Variants in CSTPP1 observed in about 807,000 individuals in gnomAD.
CSTPP1 encodes the protein centriolar satellite-associated tubulin polyglutamylase complex regulator 1.
chr11:47,120,958 G>A, the CSTPP1 span, among the ~76,000 whole-genome samples: 1 of 152,084 alleles, frequency 6.6e-6, no homozygotes, highest in African/African-American at 2.4e-5. The surrounding 1 kb of genome is among the most constrained non-coding windows in gnomAD (Gnocchi z 4.2). Context: ...TACATTTTTT[G>A]TTGTTTTTAA....
At chr11:46,962,944 G>A in the CSTPP1 span, among the ~76,000 whole-genome samples, 6 of 152,200 alleles carry the variant, frequency 3.9e-5, no homozygotes, top group African/African-American at 1.4e-4. Context: ...ACGGGAGTGA[G>A]ACCCTGTCCA....
chr11:46,936,700 C>A, the CSTPP1 span: 2 of 1,529,952 alleles, frequency 1.3e-6, no homozygotes, highest in African/African-American at 1.4e-5. Flanking sequence ...CCTCCTCCAG[C>A]TCCCGTCCCC....
At chr11:47,004,607 G>A in the CSTPP1 span, among the ~76,000 whole-genome samples, 2 of 152,164 alleles carry the variant, frequency 1.3e-5, no homozygotes, top group East Asian at 3.8e-4. Flanking sequence ...TCACAGAATA[G>A]CCTAAGAAAG....
At chr11:47,137,266 C>T in the CSTPP1 span, 1 of 1,302,864 alleles carries the variant, frequency 7.7e-7, no homozygotes, top group African/African-American at 1.5e-5. Flanking sequence ...GTTACCATGC[C>T]AGAGAATTTC....
At chr11:47,076,058 C>A in the CSTPP1 span, among the ~76,000 whole-genome samples, 1 of 151,846 alleles carries the variant, frequency 6.6e-6, no homozygotes. Context: ...CCAGATCCCT[C>A]CCCCAACTTC....
chr11:46,991,018 GCAATCTT>G, the CSTPP1 span, among the ~76,000 whole-genome samples: 10 of 151,978 alleles, frequency 6.6e-5, no homozygotes, highest in African/African-American at 2.4e-4. Flanking sequence ...CATGCAAAAC[GCAATCTT>G]CATGAAAGGA....
chr11:47,138,135 T>C, the CSTPP1 span: 2 of 184,218 alleles, frequency 1.1e-5, no homozygotes, highest in African/African-American at 4.7e-5. Context: ...ATTAATTGAC[T>C]CACAGTTCCG....
At chr11:47,063,486 C>T in the CSTPP1 span, among the ~76,000 whole-genome samples, 1 of 152,132 alleles carries the variant, frequency 6.6e-6, no homozygotes, top group East Asian at 1.9e-4. Flanking sequence ...ACTCCCATTT[C>T]TCTCCTCCTC....
chr11:47,106,841 C>T, the CSTPP1 span, among the ~76,000 whole-genome samples: 1 of 152,126 alleles, frequency 6.6e-6, no homozygotes, highest in African/African-American at 2.4e-5. Context: ...CTTTCCCAGG[C>T]CTGTGGCTGT....
the CSTPP1 span, among the ~76,000 whole-genome samples, chr11:46,944,991 A>G: frequency 6.6e-6 from 1 of 152,294 alleles, no homozygotes; most frequent in South Asian, 2.1e-4. Flanking sequence ...GACCCCTTCT[A>G]TGTGGAAGAT....
the CSTPP1 span, among the ~76,000 whole-genome samples, chr11:46,972,205 A>G: frequency 7.2e-5 from 11 of 152,328 alleles, no homozygotes; most frequent in South Asian, 1.9e-3. Context: ...TTATCTATTT[A>G]TAGTAAACAT....
the CSTPP1 span, among the ~76,000 whole-genome samples, chr11:47,163,372 C>T: frequency 6.6e-6 from 1 of 152,054 alleles, no homozygotes; most frequent in Non-Finnish European, 1.5e-5. Context: ...CCAGATGATC[C>T]CAAAGCTGAA....
chr11:47,164,129 G>A, the CSTPP1 span: 346,472 of 1,613,576 alleles, frequency 0.21, 40,345 homozygotes, highest in South Asian at 0.33. Context: ...CCTCACGGCA[G>A]CACAGAGCCA....
the CSTPP1 span, among the ~76,000 whole-genome samples, chr11:47,120,145 TGGGTTTA>T: frequency 1.3e-5 from 2 of 152,176 alleles, no homozygotes; most frequent in African/African-American, 2.4e-5. The surrounding 1 kb of genome is among the most constrained non-coding windows in gnomAD (Gnocchi z 4.2). Context: ...TTTGCTTCTG[TGGGTTTA>T]GGGTACAGGT....
At chr11:46,990,683 T>G in the CSTPP1 span, among the ~76,000 whole-genome samples, 1 of 152,196 alleles carries the variant, frequency 6.6e-6, no homozygotes, top group Non-Finnish European at 1.5e-5. Flanking sequence ...TTTTGGGGAC[T>G]TGGCCAAGAA....
At chr11:47,150,796 G>A in the CSTPP1 span, among the ~76,000 whole-genome samples, 6 of 151,528 alleles carry the variant, frequency 4.0e-5, no homozygotes, top group Non-Finnish European at 5.9e-5. Context: ...TGGGGGAGTC[G>A]AGGGAGGCAG....
chr11:46,965,233 ATTT>A, the CSTPP1 span, among the ~76,000 whole-genome samples: 1 of 117,902 alleles, frequency 8.5e-6, no homozygotes, highest in East Asian at 2.0e-4. Flanking sequence ...TTTTTTTTTT[ATTT>A]TTTTTTGGAG....
the CSTPP1 span, among the ~76,000 whole-genome samples, chr11:47,122,085 A>T: frequency 1.7e-3 from 138 of 82,238 alleles, no homozygotes; most frequent in Non-Finnish European, 2.7e-3. Flanking sequence ...AAAAAAAAAA[A>T]AAAAAAATAT....
chr11:46,956,817 G>A, the CSTPP1 span, among the ~76,000 whole-genome samples: 14 of 151,506 alleles, frequency 9.2e-5, no homozygotes, highest in African/African-American at 3.4e-4. Context: ...CTTCTTCCTA[G>A]TCTTCCAACA....
Sources: gnomAD v4.1 joint callset for allele counts (sites outside exome capture counted in the v4.1 genomes callset) on GRCh38, gnomAD v4.1.1 for gene constraint, Gnocchi (gnomAD v3.1) non-coding constraint, MANE v1.5 for transcripts, NCBI Gene and HGNC (gene_info 2026-07-23, HGNC 2026-07-21) for gene names.